Variants in HSD17B12 observed in about 807,000 individuals in gnomAD.
HSD17B12 encodes the protein very-long-chain 3-oxoacyl-CoA reductase.
In HSD17B12, 32 loss-of-function variants were observed where a neutral mutation model predicts 39.3. The observed-to-expected ratio is 0.81, with a 90% CI of 0.61 to 1.09. The LOEUF (loss-of-function observed/expected upper bound fraction) is 1.09. Ranked by LOEUF, HSD17B12 falls within the 50% of genes least tolerant of loss-of-function variation. The pLI, the probability that HSD17B12 is intolerant of heterozygous loss-of-function variation, is 0.00. For synonymous variants in HSD17B12, 150 were observed against 146.7 expected, an observed-to-expected ratio of 1.02 and a Z score of -0.16; for missense variants, 342 against 382.9, an observed-to-expected ratio of 0.89 and a Z score of 0.89.
At chr11:43,625,871 T>C in the HSD17B12 span, among the ~76,000 whole-genome samples, 1,053 of 151,590 alleles carry the variant, frequency 6.9e-3, 18 homozygotes, top group African/African-American at 0.024. Context: ...CTTGGCAATT[T>C]CTAAATTTTA....
intron 3 of HSD17B12, among the ~76,000 whole-genome samples, chr11:43,759,008 A>G (rs1950534958): frequency 1.3e-5 from 2 of 152,218 alleles, no homozygotes; most frequent in South Asian, 4.1e-4. Flanking sequence ...GGCAGCGCCC[A>G]GTCAGGAAAC....
At chr11:43,592,990 G>A in the HSD17B12 span, among the ~76,000 whole-genome samples, 1 of 152,084 alleles carries the variant, frequency 6.6e-6, no homozygotes, top group Admixed American at 6.6e-5. Context: ...GAGAGGACAG[G>A]GTACAGAGAG....
At chr11:43,619,243 AAAAT>A in the HSD17B12 span, among the ~76,000 whole-genome samples, 17 of 11,780 alleles carry the variant, frequency 1.4e-3, no homozygotes, top group East Asian at 0.036. Flanking sequence ...ATATATATAT[AAAAT>A]ATATATATAT....
intron 4 of HSD17B12, among the ~76,000 whole-genome samples, 157 bp downstream of exon 4, chr11:43,798,584 C>T (rs1252264918): frequency 6.6e-6 from 1 of 152,038 alleles, no homozygotes; most frequent in African/African-American, 2.4e-5. Flanking sequence ...TTAATATATA[C>T]ATTTGAATCT....
At chr11:43,572,680 A>G in the HSD17B12 span, among the ~76,000 whole-genome samples, 1 of 152,224 alleles carries the variant, frequency 6.6e-6, no homozygotes, top group African/African-American at 2.4e-5. Flanking sequence ...CATTATCATA[A>G]TGACACCTAG....
chr11:43,661,784 AT>A, the HSD17B12 span, among the ~76,000 whole-genome samples: 6 of 152,234 alleles, frequency 3.9e-5, no homozygotes, highest in African/African-American at 1.4e-4. Flanking sequence ...TCTATGATAT[AT>A]TCATGCACAA....
chr11:43,601,924 C>T, the HSD17B12 span, among the ~76,000 whole-genome samples: 1 of 152,212 alleles, frequency 6.6e-6, no homozygotes, highest in African/African-American at 2.4e-5. Flanking sequence ...AGATGGGAAC[C>T]TTGCCATTCT....
chr11:43,718,826 A>G, intron 1 of HSD17B12: 1 of 877,104 alleles, frequency 1.1e-6, no homozygotes, highest in South Asian at 1.3e-5. Context: ...GTGGCCCAAG[A>G]CACCACGACT....
At chr11:43,557,084 T>C in the HSD17B12 span, 1 of 152,198 alleles carries the variant, frequency 6.6e-6, no homozygotes, top group Non-Finnish European at 1.5e-5. Context: ...CATTGAACAA[T>C]TATCTTTGTA....
chr11:43,823,133 G>C (rs1346626528), intron 6 of HSD17B12, among the ~76,000 whole-genome samples: 1 of 152,046 alleles, frequency 6.6e-6, no homozygotes, highest in African/African-American at 2.4e-5. Context: ...CAACCAAGGT[G>C]GGGGCTTGAA....
At chr11:43,559,612 T>C in the HSD17B12 span, 1 of 155,924 alleles carries the variant, frequency 6.4e-6, no homozygotes, top group Admixed American at 6.5e-5. Flanking sequence ...ACCTTCTTCC[T>C]CTCTGTCAAG....
intron 3 of HSD17B12, among the ~76,000 whole-genome samples, chr11:43,791,541 AAAGAAG>A (rs550316458): frequency 6.6e-6 from 1 of 151,988 alleles, no homozygotes; most frequent in Admixed American, 6.6e-5. Context: ...CAAAAAAAAA[AAAGAAG>A]AAGAAGAAGA....
At chr11:43,768,997 C>G (rs528665973) in intron 3 of HSD17B12, among the ~76,000 whole-genome samples, 1 of 152,234 alleles carries the variant, frequency 6.6e-6, no homozygotes, top group Admixed American at 6.5e-5. Flanking sequence ...GAAGTCCCCA[C>G]CAGACTCAGA....
the HSD17B12 span, among the ~76,000 whole-genome samples, chr11:43,660,372 C>T: frequency 6.6e-6 from 1 of 152,122 alleles, no homozygotes; most frequent in South Asian, 2.1e-4. Flanking sequence ...ACTTCACAAA[C>T]TAAGATAAAC....
intron 1 of HSD17B12, among the ~76,000 whole-genome samples, chr11:43,713,167 A>G (rs889841178): frequency 6.6e-6 from 1 of 152,208 alleles, no homozygotes. Flanking sequence ...TCTAGGGTAC[A>G]TGTGCACAAC....
At chr11:43,827,457 CA>C (rs1951255183) in intron 6 of HSD17B12, among the ~76,000 whole-genome samples, 1 of 152,144 alleles carries the variant, frequency 6.6e-6, no homozygotes, top group Admixed American at 6.5e-5. Context: ...GTTCCTTCTA[CA>C]AACTGTTGAT....
chr11:43,693,076 A>T (rs532815380), intron 1 of HSD17B12, among the ~76,000 whole-genome samples: 3 of 152,382 alleles, frequency 2.0e-5, no homozygotes, highest in African/African-American at 7.2e-5. Flanking sequence ...CTTCACTTCA[A>T]TTATTAGGGA....
the HSD17B12 span, among the ~76,000 whole-genome samples, chr11:43,585,887 T>C: frequency 0.13 from 19,572 of 152,208 alleles, 1,493 homozygotes; most frequent in Middle Eastern, 0.26. Flanking sequence ...GGTAATCTCT[T>C]CTAATTATGT....
intron 4 of HSD17B12, among the ~76,000 whole-genome samples, chr11:43,813,745 T>C (rs1301260522): frequency 6.6e-6 from 1 of 152,186 alleles, no homozygotes; most frequent in Admixed American, 6.5e-5. Context: ...GGAGAACCTA[T>C]TGAATAAAAT....
Sources: allele counts gnomAD v4.1 joint callset (sites outside exome capture counted in the v4.1 genomes callset), GRCh38; gene constraint gnomAD v4.1.1; transcripts MANE v1.5; gene names NCBI Gene and HGNC (gene_info 2026-07-23, HGNC 2026-07-21).